The following STRBP variants were observed in gnomAD, a reference collection of about 807,000 sequenced individuals.
STRBP encodes spermatid perinuclear RNA binding protein.
Under a neutral mutation model 80.1 loss-of-function variants are expected in STRBP, and 13 were observed. That is an observed-to-expected ratio of 0.16 (90% CI 0.11 to 0.26). The LOEUF (loss-of-function observed/expected upper bound fraction) is 0.26. STRBP is among the 10% of genes least tolerant of loss of function. The pLI is 1.00. For missense variants in STRBP, 485 were observed against 815.2 expected (o/e 0.59, Z 4.93); for synonymous variants, 284 against 291.2 (o/e 0.98, Z 0.25).
chr9:123,251,748 G>C (rs996535499), intron 1 of STRBP, among the ~76,000 whole-genome samples: 5 of 152,130 alleles, frequency 3.3e-5, no homozygotes, highest in African/African-American at 4.8e-5. Flanking sequence ...GCAAATAATG[G>C]GGAAGTAATG....
intron 2 of STRBP, among the ~76,000 whole-genome samples, chr9:123,220,998 G>A (rs1359448830): frequency 6.6e-6 from 1 of 151,942 alleles, no homozygotes; most frequent in East Asian, 1.9e-4. Flanking sequence ...AAATAGAGAC[G>A]TTTGTTTTTT....
intron 2 of STRBP, among the ~76,000 whole-genome samples, chr9:123,186,809 A>G (rs2038714959): frequency 7.9e-6 from 1 of 126,522 alleles, no homozygotes; most frequent in Admixed American, 1.0e-4. Context: ...ATAGCTTTTA[A>G]GAGTTTTTCT....
chr9:123,129,598 C>A (rs961782016), intron 17 of STRBP, among the ~76,000 whole-genome samples: 4 of 152,174 alleles, frequency 2.6e-5, no homozygotes, highest in African/African-American at 9.7e-5. Context: ...ACCTCCCCTA[C>A]AAAGTCTCCC....
Position 123,115,186 on chromosome 9 carries a change from C to G in STRBP, c.*84+743G>C, listed in dbSNP as rs938113156. ...TCCCACAGCAAGGCCCTTCACACTCCCCAAGTGGGCACACTCTCTCTGTGC... is the reference window on the plus strand; with the variant it reads ...TCCCACAGCAAGGCCCTTCACACTCGCCAAGTGGGCACACTCTCTCTGTGC... On this transcript the variant is annotated intron_variant and NMD_transcript_variant, in intron 3 of 3. Transcript: ENST00000471564. The surrounding 1 kb of genome is among the most constrained non-coding windows in gnomAD (Gnocchi z 5.0). 4.2e-6 allele frequency: 2 copies of G among 470,902 alleles called. No homozygotes were observed. Among genetic ancestry groups the G allele is most frequent in the Admixed American group, 2.3e-5 (1 of 42,564 alleles). 29.2% of individuals were successfully genotyped at this position (470,902 alleles called of 1,614,324 possible).
chr9:123,111,740 T>C, intron 3 of STRBP: 1 of 393,100 alleles, frequency 2.5e-6, no homozygotes, highest in Non-Finnish European at 5.2e-6. Context: ...TTTGTCAGTT[T>C]CCCTTCCATA....
intron 1 of STRBP, among the ~76,000 whole-genome samples, chr9:123,261,441 G>A (rs2041159213): frequency 6.6e-6 from 1 of 152,160 alleles, no homozygotes; most frequent in Non-Finnish European, 1.5e-5. Context: ...TTCCCTAAAT[G>A]TAATATTCCA....
intron 2 of STRBP, among the ~76,000 whole-genome samples, chr9:123,224,614 C>T (rs1302738126): frequency 6.6e-6 from 1 of 152,186 alleles, no homozygotes; most frequent in Admixed American, 6.5e-5. Context: ...AGAAATCCCA[C>T]CTCAAAGAGT....
At chr9:123,159,511 G>A (rs1354890899) in intron 8 of STRBP, among the ~76,000 whole-genome samples, 1 of 152,118 alleles carries the variant, frequency 6.6e-6, no homozygotes, top group Admixed American at 6.5e-5. Flanking sequence ...GACTTAACAA[G>A]TCCTCATATA....
chr9:123,216,004 T>C (rs1385694277), intron 2 of STRBP, among the ~76,000 whole-genome samples: 1 of 152,226 alleles, frequency 6.6e-6, no homozygotes, highest in East Asian at 1.9e-4. Context: ...ATGCTTACTC[T>C]GTAACCTACT....
chr9:123,111,265 C>T (rs752500116), intron 3 of STRBP: 16 of 193,588 alleles, frequency 8.3e-5, no homozygotes, highest in Non-Finnish European at 1.4e-4. Context: ...CACCAAAATC[C>T]CTAAAGGGTG....
rs182433077 is a variant in STRBP, at chr9:123,228,832, C to G, written c.-165+7998G>C. Reference sequence around the variant, plus strand: ...AATATGACCCAGAAAGTCTACCCTACTAAGTATGTAGCCAAGATAATTGAA... The same window carrying G: ...AATATGACCCAGAAAGTCTACCCTAGTAAGTATGTAGCCAAGATAATTGAA... On this transcript the variant is annotated intron_variant, in intron 2 of 18. Coordinates refer to ENST00000348403, the MANE Select transcript of STRBP (RefSeq NM_018387.5). 3.9e-5 allele frequency among the ~76,000 whole-genome samples: 6 copies of G among 152,288 alleles called. No individual in the cohort carries two copies. The East Asian group carries it at 1.2e-3, about 29-fold the overall frequency.
chr9:123,159,149 C>T lies in STRBP; in HGVS notation c.782G>A (p.Gly261Glu). Residue 261 changes from glycine (G) to glutamate (E), a missense_variant, in exon 9 of 19, where the codon GGG becomes GAG. By Grantham distance (98) the Gly-to-Glu change is moderately conservative. Transcript: ENST00000348403. ...CTCCATTACTCGTCTCAAGGCCTCC[C>T]CAGCGCCCAAAGGTCTATTACAAGT... is the stretch of plus-strand genomic sequence containing the variant. ...IGTCNRPLGA[G>E]EALRRVMECL... 6.2e-7 allele frequency: 1 copy of T among 1,613,672 alleles called. No individual in the cohort carries two copies. Among genetic ancestry groups the T allele is most frequent in the Non-Finnish European group, 8.5e-7 (1 of 1,179,662 alleles).
At chr9:123,200,886 T>G (rs953095652) in intron 2 of STRBP, among the ~76,000 whole-genome samples, 2 of 151,616 alleles carry the variant, frequency 1.3e-5, no homozygotes, top group Non-Finnish European at 2.9e-5. Context: ...TGGCTGGCAA[T>G]TTTTTAATTA....
Position 123,136,332 on chromosome 9 carries a change from CTA to C in STRBP, c.1632+47_1632+48del. The C allele has an allele frequency of 6.2e-7, 1 of 1,609,082 alleles. No homozygotes were observed. Among genetic ancestry groups the C allele is most frequent in the Non-Finnish European group, 8.5e-7 (1 of 1,177,756 alleles). On this transcript the variant is annotated intron_variant, in intron 15 of 18. Coordinates refer to ENST00000348403, the MANE Select transcript of STRBP (RefSeq NM_018387.5). This position sits in a 1 kb window ranked among gnomAD's most constrained non-coding sequence, Gnocchi z 4.2. ...AACTTTACATTAAGTTCAGGATATC[CTA>C]TGTCTTTGAGAAGAAAGATAAGGCT...
intron 1 of STRBP, among the ~76,000 whole-genome samples, chr9:123,256,464 A>G (rs1294970771): frequency 9.9e-5 from 15 of 152,224 alleles, no homozygotes; most frequent in Non-Finnish European, 1.5e-5. Context: ...AAACCAATTT[A>G]TCAGAGGCTA....
chr9:123,247,018 A>C (rs2040812522), intron 1 of STRBP, among the ~76,000 whole-genome samples: 1 of 152,228 alleles, frequency 6.6e-6, no homozygotes, highest in Non-Finnish European at 1.5e-5. Flanking sequence ...ATTTTACCAA[A>C]ATGTCATCAG....
chr9:123,123,019 C>CA lies in STRBP; in HGVS notation c.*2577dup, dbSNP rs1359529397. On this transcript the variant is annotated 3_prime_UTR_variant, in exon 19 of 19. Coordinates refer to ENST00000348403, the MANE Select transcript of STRBP (RefSeq NM_018387.5). ...GTCATTGCTTTCAAAAAGAGGGTGT[C>CA]AGAGTGGAGTGTCTGAAAGCTGGAT... 2.0e-6 allele frequency: 2 copies of CA among 985,308 alleles called. No homozygotes were observed. The allele number at this position is 985,308 out of a possible 1,614,324, so 61.0% of individuals were successfully genotyped here. A position where few individuals can be genotyped will look rare whatever the true frequency, so the allele number is the denominator to read the frequency against.
At chr9:123,233,632 C>A (rs753076273) in intron 2 of STRBP, among the ~76,000 whole-genome samples, 1 of 152,164 alleles carries the variant, frequency 6.6e-6, no homozygotes, top group Non-Finnish European at 1.5e-5. Context: ...GTTCACTATA[C>A]AACTCTTCCA....
chr9:123,193,032 G>A (rs1334513276), intron 2 of STRBP, among the ~76,000 whole-genome samples: 2 of 152,146 alleles, frequency 1.3e-5, no homozygotes, highest in South Asian at 4.1e-4. Context: ...TACCTGGACT[G>A]CAGCCACTAC....
Sources: gnomAD v4.1 joint callset for allele counts (sites outside exome capture counted in the v4.1 genomes callset) on GRCh38, gnomAD v4.1.1 for gene constraint, Gnocchi (gnomAD v3.1) non-coding constraint, MANE v1.5 for transcripts, NCBI Gene and HGNC (gene_info 2026-07-23, HGNC 2026-07-21) for gene names.